AKT3: variants seen among roughly 807,000 people sequenced by gnomAD.
AKT3 encodes RAC-gamma serine/threonine-protein kinase.
In AKT3, 15 loss-of-function variants were observed where a neutral mutation model predicts 65.3. The ratio of observed to expected loss-of-function variants is 0.23; its 90% CI spans 0.15 to 0.35. The LOEUF is 0.35. Ranked by LOEUF, AKT3 falls within the 10% of genes least tolerant of loss-of-function variation. The pLI is 1.00. For synonymous variants in AKT3, 206 were observed against 183.8 expected (o/e 1.12, Z -0.98); for missense variants, 243 against 576.5 (o/e 0.42, Z 5.92).
intron 3 of AKT3, among the ~76,000 whole-genome samples, chr1:243,683,720 G>A (rs978370421): frequency 6.6e-6 from 1 of 152,118 alleles, no homozygotes; most frequent in Non-Finnish European, 1.5e-5. Context: ...AAGGAAGGTG[G>A]TCATGCTGGA....
At chr1:243,615,313 C>A (rs1678212343) in intron 6 of AKT3, 152 bp from the exon 7 acceptor site, 1 of 496,412 alleles carries the variant, frequency 2.0e-6, no homozygotes, top group Admixed American at 3.5e-5. Flanking sequence ...TCAGCATTCT[C>A]TCCACCAAAA....
rs139770173 is a variant in AKT3 at position 243,504,636 on chromosome 1, TTA to T, written c.*611_*612del. On this transcript the variant is annotated 3_prime_UTR_variant, in exon 14 of 14. Transcript: ENST00000673466. ...CCACCAGGAATTTAAAAAAAAAAAA[TTA>T]TATATATATATATATATCCCAACAG... 8,024 of 161,810 alleles carry T rather than the reference TTA, an allele frequency of 0.05. 449 individuals are homozygous for T. Among genetic ancestry groups the T allele is most frequent in the African/African-American group, 0.15 (6,025 of 40,612 alleles). The allele number at this position is 161,810 out of a possible 1,614,324, so 10.0% of individuals were successfully genotyped here. A position where few individuals can be genotyped will look rare whatever the true frequency, so the allele number is the denominator to read the frequency against.
chr1:243,513,767 G>A (rs1482632567), intron 12 of AKT3, among the ~76,000 whole-genome samples: 1 of 152,152 alleles, frequency 6.6e-6, no homozygotes, highest in Non-Finnish European at 1.5e-5. Context: ...TGATCAGCTG[G>A]TAATGGCGAC....
At chr1:243,509,825 C>T (rs1039269331) in intron 13 of AKT3, among the ~76,000 whole-genome samples, 6 of 152,140 alleles carry the variant, frequency 3.9e-5, no homozygotes, top group African/African-American at 9.7e-5. Flanking sequence ...AGGACAAAAA[C>T]GCCACTGAGA....
chr1:243,692,824 T>G (rs1684784876), intron 3 of AKT3, among the ~76,000 whole-genome samples: 1 of 152,128 alleles, frequency 6.6e-6, no homozygotes, highest in African/African-American at 2.4e-5. Flanking sequence ...ATTTGTGTGT[T>G]TTTCTCTTGT....
At chr1:243,615,777 G>C (rs1678255358) in intron 6 of AKT3, among the ~76,000 whole-genome samples, 1 of 151,956 alleles carries the variant, frequency 6.6e-6, no homozygotes, top group Non-Finnish European at 1.5e-5. Flanking sequence ...TGTTGCCCAG[G>C]ATAGAGTACA....
intron 4 of AKT3, among the ~76,000 whole-genome samples, chr1:243,664,513 T>C (rs544839643): frequency 2.0e-4 from 31 of 152,082 alleles, no homozygotes; most frequent in Non-Finnish European, 4.0e-4. Flanking sequence ...CAAAAATGTC[T>C]TTTTAAATTT....
downstream of AKT3, among the ~76,000 whole-genome samples, chr1:243,495,631 A>G (rs1208985029): frequency 6.6e-6 from 1 of 152,188 alleles, no homozygotes; most frequent in Non-Finnish European, 1.5e-5. Context: ...TGGGGACAGC[A>G]GGGCCGCAGG....
chr1:243,550,161 A>G (rs143852236), intron 11 of AKT3, among the ~76,000 whole-genome samples: 2 of 152,300 alleles, frequency 1.3e-5, no homozygotes, highest in Admixed American at 6.5e-5. Flanking sequence ...ATCTGTGAGT[A>G]TATGTTTTGT....
chr1:243,511,380 T>G (rs1538773), intron 13 of AKT3, among the ~76,000 whole-genome samples: 43,616 of 152,080 alleles, frequency 0.29, 7,107 homozygotes, highest in African/African-American at 0.44. Context: ...CTCTCGACAG[T>G]AGAATCTGCT....
chr1:243,769,512 CAT>C (rs1050666454), intron 2 of AKT3, among the ~76,000 whole-genome samples: 2 of 152,152 alleles, frequency 1.3e-5, no homozygotes, highest in African/African-American at 2.4e-5. Context: ...TGATATCTCA[CAT>C]GATTTTAATT....
intron 13 of AKT3, among the ~76,000 whole-genome samples, chr1:243,505,618 G>A (rs1441124517): frequency 2.0e-5 from 3 of 152,152 alleles, no homozygotes; most frequent in East Asian, 3.8e-4. Context: ...GAAAACAGAA[G>A]TTTTTAAGAA....
At chr1:243,605,872 G>A (rs960092368) in intron 8 of AKT3, among the ~76,000 whole-genome samples, 1 of 152,172 alleles carries the variant, frequency 6.6e-6, no homozygotes, top group South Asian at 2.1e-4. Flanking sequence ...TTGTGGGAGG[G>A]ATCCACTGGA....
chr1:243,588,275 GA>G (rs1367926452), intron 8 of AKT3, among the ~76,000 whole-genome samples: 1 of 152,080 alleles, frequency 6.6e-6, no homozygotes, highest in Non-Finnish European at 1.5e-5. Flanking sequence ...AGCAGAGAAG[GA>G]AAGGAAAGCT....
intron 4 of AKT3, among the ~76,000 whole-genome samples, chr1:243,653,087 AATAG>A (rs1040306636): frequency 3.7e-4 from 56 of 152,234 alleles, no homozygotes; most frequent in Middle Eastern, 6.8e-3. Context: ...AGATCAACAA[AATAG>A]ATAGACCTCT....
At chr1:243,799,328 A>G (rs1293800728) in intron 2 of AKT3, among the ~76,000 whole-genome samples, 1 of 152,242 alleles carries the variant, frequency 6.6e-6, no homozygotes, top group Non-Finnish European at 1.5e-5. Flanking sequence ...TACTGAATAC[A>G]TATATACTAC....
chr1:243,499,872 G>T lies in AKT3; in HGVS notation c.*5377C>A. 7.6e-7 allele frequency: 1 copy of T among 1,316,996 alleles called. No homozygotes were observed. 81.6% of individuals were successfully genotyped at this position (1,316,996 alleles called of 1,614,324 possible). A position where few individuals can be genotyped will look rare whatever the true frequency, so the allele number is the denominator to read the frequency against. ...GACTTAATATGCCACAACGCACCAC[G>T]ACCTTCCCAGGGTGACACCGCCTCA... On this transcript the variant is annotated 3_prime_UTR_variant, in exon 14 of 14. Transcript: ENST00000673466.
At chr1:243,654,977 A>G (rs1681651460) in intron 4 of AKT3, among the ~76,000 whole-genome samples, 1 of 152,096 alleles carries the variant, frequency 6.6e-6, no homozygotes, top group African/African-American at 2.4e-5. Flanking sequence ...ATCTTTAACT[A>G]TTTTTTAAAA....
At position 243,680,536 on chromosome 1, in the gene AKT3, C is replaced by T. The variant is rs564164605; in HGVS notation, c.172+15055G>A. Among the ~76,000 whole-genome samples the T allele has an allele frequency of 3.0e-4, 45 of 152,160 alleles. 1 individual carries two copies. The East Asian group carries it at 6.6e-3, about 22-fold the overall frequency. ...AAATTCCAAGGCTTAAAGGTTCTTC[C>T]TCCCAATGTGGCCTTAGGCCTCATT... On this transcript the variant is annotated intron_variant, in intron 3 of 13. Coordinates refer to ENST00000673466, the MANE Select transcript of AKT3 (RefSeq NM_005465.7).
Sources: allele counts gnomAD v4.1 joint callset (sites outside exome capture counted in the v4.1 genomes callset), GRCh38; gene constraint gnomAD v4.1.1; transcripts MANE v1.5; gene names NCBI Gene and HGNC (gene_info 2026-07-23, HGNC 2026-07-21).